PDP2: variants seen among roughly 807,000 people sequenced by gnomAD.
The protein encoded by PDP2 is pyruvate dehydrogenase phosphatase catalytic subunit 2.
In PDP2, 23 loss-of-function variants were observed where a neutral mutation model predicts 34.2. That is an observed-to-expected ratio of 0.67 (90% CI 0.48 to 0.95). The LOEUF is 0.95. PDP2 is among the 40% of genes least tolerant of loss of function. PDP2 has a pLI of 0.00. For missense variants in PDP2, 571 were observed against 659.6 expected (o/e 0.87, Z 1.47); for synonymous variants, 275 against 269.2 (o/e 1.02, Z -0.21).
rs1961856570 is a variant in PDP2, at chr16:66,888,047, TTC to T, written c.*2174_*2175del. 1.4e-5 allele frequency: 2 copies of T among 142,422 alleles called. No homozygotes were observed. Among genetic ancestry groups the T allele is most frequent in the South Asian group, 2.3e-4 (1 of 4,374 alleles). 8.8% of individuals were successfully genotyped at this position (142,422 alleles called of 1,614,324 possible). ...CTTCCTTCCTTCCTTCCTTCCTTCC[TTC>T]CTTCCTTCCTCTCTCTCTCTTTCTT... On this transcript the variant is annotated 3_prime_UTR_variant, in exon 2 of 2. Transcript: ENST00000311765.
intron 1 of PDP2, among the ~76,000 whole-genome samples, chr16:66,881,032 T>TG (rs947871104): frequency 1.3e-5 from 2 of 152,210 alleles, no homozygotes; most frequent in African/African-American, 4.8e-5. Context: ...GGCACCCAGC[T>TG]GGGGTACGGC....
In PDP2 at chr16:66,884,303, T is replaced by C. The variant is rs778984281; in HGVS notation, c.19T>C (p.Tyr7His). The C allele has an allele frequency of 1.2e-6, 2 of 1,611,404 alleles. No homozygotes were observed. The highest frequency in any genetic ancestry group is 1.7e-6 in the Non-Finnish European group (2 of 1,178,468). Reference sequence around the variant, plus strand: ...TTTCAGAATGTCAAGTACTGTGTCCTACTGGATCTTAAATTCTACAAGGAA... The same window carrying C: ...TTTCAGAATGTCAAGTACTGTGTCCCACTGGATCTTAAATTCTACAAGGAA... MSSTVS[Y>H]WILNSTRNSI... The change falls in exon 2 of 2, where the codon TAC (tyrosine) becomes CAC (histidine). Residue 7 changes from tyrosine to histidine, a missense_variant. Coordinates refer to ENST00000311765, the MANE Select transcript of PDP2 (RefSeq NM_020786.4).
In PDP2 at chr16:66,885,116, C is replaced by G; in HGVS notation, c.832C>G (p.His278Asp). The G allele has an allele frequency of 6.2e-7, 1 of 1,613,972 alleles. No homozygotes were observed. The highest frequency in any genetic ancestry group is 1.1e-5 in the South Asian group (1 of 91,082). ...TTGCATGGCCCATGTTGATGGAATT[C>G]ACTTGCACGTGGCAAATGCTGGTGA... ...TACMAHVDGI[H>D]LHVANAGDCR... Residue 278 changes from histidine (H) to aspartate (D), a missense_variant, in exon 2 of 2, where the codon CAC becomes GAC. By Grantham distance (81) the His-to-Asp change is moderately conservative (BLOSUM62 -1). This residue lies in a region of PDP2 where 281 missense variants were observed against 375.8 expected (regional missense o/e 0.75). Transcript: ENST00000311765. The surrounding 1 kb of genome is among the most constrained non-coding windows in gnomAD (Gnocchi z 4.6).
At chr16:66,881,968 C>T (rs1961538003) in intron 1 of PDP2, among the ~76,000 whole-genome samples, 1 of 152,146 alleles carries the variant, frequency 6.6e-6, no homozygotes, top group Non-Finnish European at 1.5e-5. Context: ...AGGCATGAGC[C>T]ACTGTGCCCA....
At chr16:66,882,394 C>T (rs1961560078) in intron 1 of PDP2, among the ~76,000 whole-genome samples, 1 of 152,106 alleles carries the variant, frequency 6.6e-6, no homozygotes, top group African/African-American at 2.4e-5. Context: ...CACGATCTTA[C>T]CATTGCACTC....
rs1298523298 is a variant in PDP2 at position 66,888,053 on chromosome 16, CCTTCCT to C, written c.*2182_*2187del. The C allele has an allele frequency of 2.7e-5, 3 of 112,174 alleles. No homozygotes were observed. The highest frequency in any genetic ancestry group is 3.2e-4 in the East Asian group (1 of 3,138). The allele number at this position is 112,174 out of a possible 1,614,324, so 6.9% of individuals were successfully genotyped here. ...TCCTTCCTTCCTTCCTTCCTTCCTTCCTTCCTCTCTCTCTCTTTCTTTCTTTCTTTC... is the reference window on the plus strand; with the variant it reads ...TCCTTCCTTCCTTCCTTCCTTCCTTCCTCTCTCTCTTTCTTTCTTTCTTTC... On this transcript the variant is annotated 3_prime_UTR_variant, in exon 2 of 2. Coordinates refer to ENST00000311765, the MANE Select transcript of PDP2 (RefSeq NM_020786.4).
At position 66,886,501 on chromosome 16, in the gene PDP2, C is replaced by A; in HGVS notation, c.*627C>A. The A allele has an allele frequency of 2.2e-6, 1 of 459,490 alleles. No individual in the cohort carries two copies. The highest frequency in any genetic ancestry group is 2.0e-5 in the African/African-American group (1 of 49,792). The allele number at this position is 459,490 out of a possible 1,614,324, so 28.5% of individuals were successfully genotyped here. A position where few individuals can be genotyped will look rare whatever the true frequency, so the allele number is the denominator to read the frequency against. On this transcript the variant is annotated 3_prime_UTR_variant, in exon 2 of 2. Transcript: ENST00000311765. ...AAAACTGAATCCTTAAACTTGCAAA[C>A]ACGCCTACTGTAAGCATGCTTGGAA...
rs1961857454 is a variant in PDP2 at position 66,888,050 on chromosome 16, CTT to C, written c.*2177_*2178del. ...CCTTCCTTCCTTCCTTCCTTCCTTCCTTCCTTCCTCTCTCTCTCTTTCTTTCT... is the reference window on the plus strand; with the variant it reads ...CCTTCCTTCCTTCCTTCCTTCCTTCCCCTTCCTCTCTCTCTCTTTCTTTCT... On this transcript the variant is annotated 3_prime_UTR_variant, in exon 2 of 2. Transcript: ENST00000311765. 1.7e-5 allele frequency: 2 copies of C among 117,490 alleles called. No homozygotes were observed. The highest frequency in any genetic ancestry group is 8.8e-5 in the Admixed American group (1 of 11,424). The allele number at this position is 117,490 out of a possible 1,614,324, so 7.3% of individuals were successfully genotyped here. A position where few individuals can be genotyped will look rare whatever the true frequency, so the allele number is the denominator to read the frequency against.
Position 66,885,256 on chromosome 16 carries a change from C to T in PDP2, c.972C>T (p.His324=). The change falls in exon 2 of 2, where the codon CAC becomes CAT. Residue 324 remains histidine (H), a synonymous_variant. Transcript: ENST00000311765. This position sits in a 1 kb window ranked among gnomAD's most constrained non-coding sequence, Gnocchi z 4.6. ...QAELSRLKRE[H]PESEDRTIIM... ...AGCTGTCCCGGCTAAAGAGGGAGCA[C>T]CCTGAGTCAGAGGACAGGACGATCA... 1.9e-6 allele frequency: 3 copies of T among 1,614,142 alleles called. No homozygotes were observed. Among genetic ancestry groups the T allele is most frequent in the East Asian group, 2.2e-5 (1 of 44,884 alleles).
rs148698372 is a variant in PDP2 at position 66,886,984 on chromosome 16, C to T, written c.*1110C>T. ...GCGGATTGTGGACTTAAGATTCAAC[C>T]TCTATCTGGAGAGGTGAAAACACAA... On this transcript the variant is annotated 3_prime_UTR_variant, in exon 2 of 2. Coordinates refer to ENST00000311765, the MANE Select transcript of PDP2 (RefSeq NM_020786.4). 1 of 169,434 alleles carries T rather than the reference C, an allele frequency of 5.9e-6. No homozygotes were observed. Among genetic ancestry groups the T allele is most frequent in the African/African-American group, 2.4e-5 (1 of 41,620 alleles). 10.5% of individuals were successfully genotyped at this position (169,434 alleles called of 1,614,324 possible).
At position 66,884,964 on chromosome 16, in the gene PDP2, T is replaced by C. The variant is rs765928014; in HGVS notation, c.680T>C (p.Ile227Thr). The C allele has an allele frequency of 7.1e-5, 114 of 1,613,856 alleles. No homozygotes were observed. In the Middle Eastern group the frequency reaches 1.3e-3, roughly 19 times the overall value. Residue 227 changes from isoleucine (I) to threonine (T), a missense_variant, in exon 2 of 2, where the codon ATT becomes ACT. Ile to Thr is a moderately conservative substitution (Grantham distance 89). Coordinates refer to ENST00000311765, the MANE Select transcript of PDP2 (RefSeq NM_020786.4). Reference protein sequence around the residue: ...LDLHMEMGLSIEEALMYSFQR... With the variant: ...LDLHMEMGLSTEEALMYSFQR... ...TTGCACATGGAAATGGGACTAAGCA[T>C]TGAAGAAGCATTAATGTACTCCTTC... is the stretch of plus-strand genomic sequence containing the variant.
chr16:66,886,017 A>C lies in PDP2; in HGVS notation c.*143A>C. On this transcript the variant is annotated 3_prime_UTR_variant, in exon 2 of 2. Coordinates refer to ENST00000311765, the MANE Select transcript of PDP2 (RefSeq NM_020786.4). ...ATAGACTAACAGGAGGAAAAAAACA[A>C]ACAGCCTAGCTTTAAAAAACAGTGA... 1 of 790,846 alleles carries C rather than the reference A, an allele frequency of 1.3e-6. No individual in the cohort carries two copies. The highest frequency in any genetic ancestry group is 2.0e-6 in the Non-Finnish European group (1 of 490,392). The allele number at this position is 790,846 out of a possible 1,614,324, so 49.0% of individuals were successfully genotyped here.
rs1249286002 is a variant in PDP2, at chr16:66,886,504, G to T, written c.*630G>T. 2 of 463,000 alleles carry T rather than the reference G, an allele frequency of 4.3e-6. No individual in the cohort carries two copies. The highest frequency in any genetic ancestry group is 2.0e-5 in the African/African-American group (1 of 49,754). The allele number at this position is 463,000 out of a possible 1,614,324, so 28.7% of individuals were successfully genotyped here. A position where few individuals can be genotyped will look rare whatever the true frequency, so the allele number is the denominator to read the frequency against. ...ACTGAATCCTTAAACTTGCAAACAC[G>T]CCTACTGTAAGCATGCTTGGAATGA... On this transcript the variant is annotated 3_prime_UTR_variant, in exon 2 of 2. Coordinates refer to ENST00000311765, the MANE Select transcript of PDP2 (RefSeq NM_020786.4).
Position 66,890,943 on chromosome 16 carries a change from G to A in PDP2, c.*5069G>A, listed in dbSNP as rs1014869733. 2.6e-5 allele frequency: 4 copies of A among 152,156 alleles called. No individual in the cohort carries two copies. The highest frequency in any genetic ancestry group is 4.4e-5 in the Non-Finnish European group (3 of 68,032). 9.4% of individuals were successfully genotyped at this position (152,156 alleles called of 1,614,324 possible). Reference sequence around the variant, plus strand: ...ACCTGATGCTTAACTTGCCTCCTGGGAAATAATGATCTAGCATTTACTTGG... The same window carrying A: ...ACCTGATGCTTAACTTGCCTCCTGGAAAATAATGATCTAGCATTTACTTGG... On this transcript the variant is annotated 3_prime_UTR_variant, in exon 2 of 2. Transcript: ENST00000311765.
In PDP2 at chr16:66,884,488, A is replaced by G; in HGVS notation, c.204A>G (p.Thr68=). 1 of 1,614,192 alleles carries G rather than the reference A, an allele frequency of 6.2e-7. No homozygotes were observed. The highest frequency in any genetic ancestry group is 8.5e-7 in the Non-Finnish European group (1 of 1,180,028). ...TLCKAYRHTS[T]EEDDFHLQLS... The stretch of plus-strand genomic sequence containing the variant: ...GCAAAGCCTACAGACACACATCAAC[A>G]GAGGAAGATGATTTTCACTTGCAAC... Residue 68 remains threonine, a synonymous_variant, in exon 2 of 2, where the codon ACA becomes ACG. Transcript: ENST00000311765.
In PDP2 at chr16:66,887,902, A is replaced by G. The variant is rs1269497611; in HGVS notation, c.*2028A>G. ...GGGAGGCGGAGGTTGCGGTGAGCCAAGATCGCACCATTGCACTCCAGCCTG... is the reference window on the plus strand; with the variant it reads ...GGGAGGCGGAGGTTGCGGTGAGCCAGGATCGCACCATTGCACTCCAGCCTG... On this transcript the variant is annotated 3_prime_UTR_variant, in exon 2 of 2. Coordinates refer to ENST00000311765, the MANE Select transcript of PDP2 (RefSeq NM_020786.4). The G allele has an allele frequency of 2.6e-5, 4 of 151,220 alleles. No homozygotes were observed. The highest frequency in any genetic ancestry group is 9.7e-5 in the African/African-American group (4 of 41,028). The allele number at this position is 151,220 out of a possible 1,614,324, so 9.4% of individuals were successfully genotyped here. A position where few individuals can be genotyped will look rare whatever the true frequency, so the allele number is the denominator to read the frequency against.
rs1567517742 is a variant in PDP2, at chr16:66,885,264, C to T, written c.980C>T (p.Ser327Leu). ...LSRLKREHPESEDRTIIMEDR... is the reference protein window; with the variant it reads ...LSRLKREHPELEDRTIIMEDR... Reference sequence around the variant, plus strand: ...CGGCTAAAGAGGGAGCACCCTGAGTCAGAGGACAGGACGATCATCATGGAG... The same window carrying T: ...CGGCTAAAGAGGGAGCACCCTGAGTTAGAGGACAGGACGATCATCATGGAG... Residue 327 changes from serine (S) to leucine (L), a missense_variant, in exon 2 of 2, where the codon TCA (serine) becomes TTA (leucine). Physicochemically the swap from Ser to Leu is moderately radical, Grantham distance 145 (BLOSUM62 -2). This residue lies in a region of PDP2 where 281 missense variants were observed against 375.8 expected (regional missense o/e 0.75). Transcript: ENST00000311765. This position sits in a 1 kb window ranked among gnomAD's most constrained non-coding sequence, Gnocchi z 4.6. The T allele has an allele frequency of 1.2e-6, 2 of 1,614,202 alleles. No individual in the cohort carries two copies. The highest frequency in any genetic ancestry group is 4.5e-5 in the East Asian group (2 of 44,882).
rs1961695897 is a variant in PDP2 at position 66,885,099 on chromosome 16, C to T, written c.815C>T (p.Ala272Val). 1 of 1,613,864 alleles carries T rather than the reference C, an allele frequency of 6.2e-7. No homozygotes were observed. Among genetic ancestry groups the T allele is most frequent in the East Asian group, 2.2e-5 (1 of 44,894 alleles). Residue 272 changes from alanine (A) to valine (V), a missense_variant, in exon 2 of 2, where the codon GCC (alanine) becomes GTC (valine). By Grantham distance (64) the Ala-to-Val change is moderately conservative (BLOSUM62 0). Around this residue, in one of 2 missense-constraint regions of PDP2, gnomAD observed 281 missense variants for 375.8 expected, o/e 0.75. Coordinates refer to ENST00000311765, the MANE Select transcript of PDP2 (RefSeq NM_020786.4). This position sits in a 1 kb window ranked among gnomAD's most constrained non-coding sequence, Gnocchi z 4.6. ...VAFSGATACM[A>V]HVDGIHLHVA... ...TTCTCTGGGGCAACAGCTTGCATGG[C>T]CCATGTTGATGGAATTCACTTGCAC...
At position 66,890,523 on chromosome 16, in the gene PDP2, A is replaced by G. The variant is rs1360022920; in HGVS notation, c.*4649A>G. 6.6e-6 allele frequency: 1 copy of G among 152,196 alleles called. No individual in the cohort carries two copies. Among genetic ancestry groups the G allele is most frequent in the African/African-American group, 2.4e-5 (1 of 41,440 alleles). 9.4% of individuals were successfully genotyped at this position (152,196 alleles called of 1,614,324 possible). A position where few individuals can be genotyped will look rare whatever the true frequency, so the allele number is the denominator to read the frequency against. On this transcript the variant is annotated 3_prime_UTR_variant, in exon 2 of 2. Transcript: ENST00000311765. ...TTGGCATCTTTTAAACATAAGTGAAATATAGAGAGCTTGAACTTGAGTTAC... is the reference window on the plus strand; with the variant it reads ...TTGGCATCTTTTAAACATAAGTGAAGTATAGAGAGCTTGAACTTGAGTTAC...
Sources: gnomAD v4.1 joint callset for allele counts (sites outside exome capture counted in the v4.1 genomes callset) on GRCh38, gnomAD v4.1.1 for gene constraint, gnomAD v4.1.1 regional missense constraint, Gnocchi (gnomAD v3.1) non-coding constraint, MANE v1.5 for transcripts, NCBI Gene and HGNC (gene_info 2026-07-23, HGNC 2026-07-21) for gene names.